Variants in FOXO1 observed in about 807,000 individuals in gnomAD.
The protein encoded by FOXO1 is forkhead box protein O1.
A neutral mutation model predicts 44.1 loss-of-function variants in FOXO1; 6 were observed. That is an observed-to-expected ratio of 0.14 (90% confidence interval 0.07 to 0.27). The LOEUF (loss-of-function observed/expected upper bound fraction) is 0.27. Among genes scored for constraint, FOXO1 ranks in the 10% least tolerant of loss-of-function variants. The pLI is 1.00. For missense variants in FOXO1, 737 were observed against 888.8 expected (o/e 0.83, Z 2.17); for synonymous variants, 380 against 362.7 (o/e 1.05, Z -0.54).
chr13:40,637,208 GC>G (rs894488803), intron 1 of FOXO1, among the ~76,000 whole-genome samples: 1 of 152,062 alleles, frequency 6.6e-6, no homozygotes. Flanking sequence ...CTTTGGGAGT[GC>G]CAAGGCAGGC....
At chr13:40,572,588 G>A (rs1359987425) in intron 1 of FOXO1, among the ~76,000 whole-genome samples, 7 of 152,272 alleles carry the variant, frequency 4.6e-5, no homozygotes, top group Admixed American at 2.0e-4. Context: ...ACAACGACTC[G>A]AGACTGCCGA....
rs779626200 is a variant in FOXO1 at position 40,560,441 on chromosome 13, T to C, written c.1050A>G (p.Pro350=). 4.7e-5 allele frequency: 76 copies of C among 1,614,086 alleles called. 1 individual carries two copies. In the South Asian group the frequency reaches 7.9e-4, roughly 17 times the overall value. ...AAGTAGAGGCCATCTTTGCGGCAGATGGCGGGTACACCATAGAATGCACAT... is the reference window on the plus strand; with the variant it reads ...AAGTAGAGGCCATCTTTGCGGCAGACGGCGGGTACACCATAGAATGCACAT... ...EGDVHSMVYP[P]SAAKMASTLP... is the part of the protein sequence containing the mutation. Residue 350 remains proline, a synonymous_variant, in exon 2 of 3, where the codon CCA becomes CCG. Coordinates refer to ENST00000379561, the MANE Select transcript of FOXO1 (RefSeq NM_002015.4). The surrounding 1 kb of genome is among the most constrained non-coding windows in gnomAD (Gnocchi z 5.1).
At position 40,578,540 on chromosome 13, in the gene FOXO1, T is replaced by TGC. The variant is rs150270961; in HGVS notation, c.631-17682_631-17681dup. Among the ~76,000 whole-genome samples, 163 of 152,280 alleles carry TGC rather than the reference T, an allele frequency of 1.1e-3. 4 individuals are homozygous for TGC. In the East Asian group the frequency reaches 0.02, roughly 18 times the overall value. On this transcript the variant is annotated intron_variant, in intron 1 of 2. Coordinates refer to ENST00000379561, the MANE Select transcript of FOXO1 (RefSeq NM_002015.4). ...TATCAGCATCCTCTGGACTCTTCCC[T>TGC]GCAAGTTCCCTGAAGATCAGATTTT...
Position 40,559,844 on chromosome 13 carries a change from GGTGTGGGGCATGGTGCTTACC to G in FOXO1, c.1626_1646del (p.Val543_Thr549del). The G allele has an allele frequency of 2.5e-6, 4 of 1,614,122 alleles. No individual in the cohort carries two copies. The highest frequency in any genetic ancestry group is 3.4e-6 in the Non-Finnish European group (4 of 1,180,006). On this transcript the variant is annotated inframe_deletion, in exon 2 of 3. Transcript: ENST00000379561. ...CTTGGGTCAGGCGGTTCATACCCGAGGTGTGGGGCATGGTGCTTACCGTGTGGGGCAGGGGACGCCCGTTAA... is the reference window on the plus strand; with the variant it reads ...CTTGGGTCAGGCGGTTCATACCCGAGGTGTGGGGCAGGGGACGCCCGTTAA...
At chr13:40,634,565 C>T (rs1416075966) in intron 1 of FOXO1, among the ~76,000 whole-genome samples, 1 of 152,162 alleles carries the variant, frequency 6.6e-6, no homozygotes, top group Non-Finnish European at 1.5e-5. Flanking sequence ...TCACTTCAGC[C>T]TGGGAGGCCA....
intron 1 of FOXO1, among the ~76,000 whole-genome samples, chr13:40,623,320 T>C (rs757854689): frequency 2.0e-5 from 3 of 152,214 alleles, no homozygotes; most frequent in Non-Finnish European, 4.4e-5. Context: ...GTTATTACTG[T>C]TGCTGACTAT....
At chr13:40,588,400 A>C (rs1030074296) in intron 1 of FOXO1, among the ~76,000 whole-genome samples, 4 of 152,126 alleles carry the variant, frequency 2.6e-5, no homozygotes, top group African/African-American at 4.8e-5. Context: ...TTCTTTTTCC[A>C]TTTATTGGGC....
intron 1 of FOXO1, among the ~76,000 whole-genome samples, chr13:40,665,124 C>A (rs1207172081): frequency 1.3e-5 from 2 of 151,860 alleles, no homozygotes; most frequent in African/African-American, 4.8e-5. Context: ...GGCTCCGGGG[C>A]CCCTCGCCGC....
At chr13:40,606,603 G>A (rs754490893) in intron 1 of FOXO1, among the ~76,000 whole-genome samples, 1 of 152,142 alleles carries the variant, frequency 6.6e-6, no homozygotes, top group African/African-American at 2.4e-5. Context: ...GTAAGCCACC[G>A]CGCCCGGCCA....
At chr13:40,619,714 T>C in intron 1 of FOXO1, 2 of 1,079,512 alleles carry the variant, frequency 1.9e-6, no homozygotes, top group Non-Finnish European at 2.9e-6. Flanking sequence ...GGGGAAAAAT[T>C]CAGCTGAAGG....
chr13:40,593,781 C>A (rs987968724), intron 1 of FOXO1, among the ~76,000 whole-genome samples: 1 of 152,148 alleles, frequency 6.6e-6, no homozygotes. Context: ...GACTTTGGAT[C>A]CTTCTCTGAC....
At chr13:40,608,647 T>G (rs915368181) in intron 1 of FOXO1, among the ~76,000 whole-genome samples, 1 of 152,208 alleles carries the variant, frequency 6.6e-6, no homozygotes, top group Non-Finnish European at 1.5e-5. Flanking sequence ...CTTTTTCTAT[T>G]TTACATTTTA....
intron 1 of FOXO1, among the ~76,000 whole-genome samples, chr13:40,585,336 C>T (rs552180601): frequency 2.5e-5 from 3 of 121,132 alleles, no homozygotes; most frequent in East Asian, 2.3e-4. Context: ...ATTTCCTCTG[C>T]GCGCGCGCAC....
At position 40,595,813 on chromosome 13, in the gene FOXO1, A is replaced by T. The variant is rs556427233; in HGVS notation, c.631-34953T>A. ...CATTTCTCTGTGGGCCATAAAATAC[A>T]GGAGGTATTTTATGACCACATTTCA... On this transcript the variant is annotated intron_variant, in intron 1 of 2. Coordinates refer to ENST00000379561, the MANE Select transcript of FOXO1 (RefSeq NM_002015.4). 7.9e-5 allele frequency among the ~76,000 whole-genome samples: 12 copies of T among 152,264 alleles called. No individual in the cohort carries two copies. In the South Asian group the frequency reaches 2.1e-3, roughly 26 times the overall value.
chr13:40,569,067 T>C (rs1169910460), intron 1 of FOXO1, among the ~76,000 whole-genome samples: 1 of 152,178 alleles, frequency 6.6e-6, no homozygotes, highest in Non-Finnish European at 1.5e-5. Context: ...TAGACACAAA[T>C]TTAGTTACAC....
At chr13:40,598,309 TCA>T (rs1454790441) in intron 1 of FOXO1, among the ~76,000 whole-genome samples, 1 of 152,188 alleles carries the variant, frequency 6.6e-6, no homozygotes, top group Non-Finnish European at 1.5e-5. Flanking sequence ...AGTTTTTAGT[TCA>T]GTTTTTGGGG....
Position 40,560,259 on chromosome 13 carries a change from T to C in FOXO1, c.1232A>G (p.Asn411Ser), listed in dbSNP as rs151228712. 3.7e-6 allele frequency: 6 copies of C among 1,614,132 alleles called. No homozygotes were observed. The East Asian group carries it at 1.3e-4, about 36-fold the overall frequency. ...QTPCYSFAPP[N>S]TSLNSPSPNY... ...TGGGCTGGGTGAATTCAAACTGGTGTTTGGTGGCGCAAACGAGTAGCACGG... is the reference window on the plus strand; with the variant it reads ...TGGGCTGGGTGAATTCAAACTGGTGCTTGGTGGCGCAAACGAGTAGCACGG... Residue 411 changes from asparagine (N) to serine (S), a missense_variant, in exon 2 of 3, where the codon AAC becomes AGC. By Grantham distance (46) the Asn-to-Ser change is conservative (BLOSUM62 1). Around this residue, in one of 7 missense-constraint regions of FOXO1, gnomAD observed 283 missense variants for 278.1 expected, o/e 1.02. Coordinates refer to ENST00000379561, the MANE Select transcript of FOXO1 (RefSeq NM_002015.4). This position sits in a 1 kb window ranked among gnomAD's most constrained non-coding sequence, Gnocchi z 5.1.
chr13:40,649,805 T>C (rs1238600424), intron 1 of FOXO1, among the ~76,000 whole-genome samples: 2 of 152,242 alleles, frequency 1.3e-5, no homozygotes, highest in Non-Finnish European at 2.9e-5. Context: ...TGTACTGATA[T>C]ATTCCCTTCA....
rs748095740 is a variant in FOXO1, at chr13:40,560,903, C to A, written c.631-43G>T. 7 of 1,526,178 alleles carry A rather than the reference C, an allele frequency of 4.6e-6. No homozygotes were observed. The highest frequency in any genetic ancestry group is 4.4e-6 in the Non-Finnish European group (5 of 1,138,576). 94.5% of individuals were successfully genotyped at this position (1,526,178 alleles called of 1,614,324 possible). A position where few individuals can be genotyped will look rare whatever the true frequency, so the allele number is the denominator to read the frequency against. ...TTATTAGAAGTACAATACTTCTCTG[C>A]TTGCAAAACTTCCTATTCTACATGT... On this transcript the variant is annotated intron_variant, in intron 1 of 2. Coordinates refer to ENST00000379561, the MANE Select transcript of FOXO1 (RefSeq NM_002015.4). The surrounding 1 kb of genome is among the most constrained non-coding windows in gnomAD (Gnocchi z 5.1).
Sources: allele counts gnomAD v4.1 joint callset (sites outside exome capture counted in the v4.1 genomes callset), GRCh38; gene constraint gnomAD v4.1.1; regional missense constraint gnomAD v4.1.1; non-coding constraint Gnocchi (gnomAD v3.1); transcripts MANE v1.5; gene names NCBI Gene and HGNC (gene_info 2026-07-23, HGNC 2026-07-21).